ARHGAP32: variants seen among roughly 807,000 people sequenced by gnomAD.
The protein encoded by ARHGAP32 is Rho GTPase activating protein 32, also known as rho GTPase-activating protein 32.
ARHGAP32 carries 51 observed loss-of-function variants against 186.5 expected under a neutral mutation model. The observed-to-expected ratio is 0.27, with a 90% CI of 0.22 to 0.35. The LOEUF is 0.35. ARHGAP32 is among the 10% of genes least tolerant of loss of function. The pLI is 1.00. For missense variants in ARHGAP32, 2,186 were observed against 2,623.5 expected (o/e 0.83, Z 3.64); for synonymous variants, 950 against 964.3 (o/e 0.99, Z 0.27).
At chr11:129,135,948 G>A (rs1237164721) in intron 2 of ARHGAP32, among the ~76,000 whole-genome samples, 6 of 152,146 alleles carry the variant, frequency 3.9e-5, no homozygotes, top group South Asian at 2.1e-4. Flanking sequence ...CAATTATTCC[G>A]ACACCCTACC....
rs1010388676 is a variant in ARHGAP32, at chr11:129,062,153, T to C, written c.963+127A>G. 1.4e-5 allele frequency: 10 copies of C among 734,392 alleles called. No homozygotes were observed. In the Admixed American group the frequency reaches 2.3e-4, roughly 17 times the overall value. 45.5% of individuals were successfully genotyped at this position (734,392 alleles called of 1,614,324 possible). On this transcript the variant is annotated intron_variant, in intron 10 of 22. Transcript: ENST00000682385. ...AAATCTATTATCATTACTATCTGCA[T>C]TTTCTATCGTTGCAGACAAAATTTC...
chr11:129,130,623 T>C (rs568054195), intron 2 of ARHGAP32, among the ~76,000 whole-genome samples: 4 of 151,798 alleles, frequency 2.6e-5, no homozygotes, highest in Admixed American at 6.6e-5. Context: ...AGTGTCATTA[T>C]TCATCAAGAA....
chr11:129,187,640 C>CA (rs1241439900), intron 1 of ARHGAP32, among the ~76,000 whole-genome samples: 1 of 152,068 alleles, frequency 6.6e-6, no homozygotes, highest in African/African-American at 2.4e-5. Context: ...GTGCCTATAT[C>CA]AAAACATCTC....
chr11:129,242,750 T>TAGAATGATCTTTCTGGTTATTAATG (rs1945036207), intron 1 of ARHGAP32, among the ~76,000 whole-genome samples: 1 of 151,680 alleles, frequency 6.6e-6, no homozygotes, highest in South Asian at 2.1e-4. Flanking sequence ...AAAAGAAATC[T>TAGAATGATCTTTCTGGTTATTAATG]AGAATGATCT....
At chr11:129,213,928 G>T (rs1262379316) in intron 1 of ARHGAP32, among the ~76,000 whole-genome samples, 1 of 151,968 alleles carries the variant, frequency 6.6e-6, no homozygotes, top group African/African-American at 2.4e-5. Flanking sequence ...AATCCTGCAG[G>T]TAAGAATGTT....
At chr11:129,227,151 T>C (rs1436055904) in intron 1 of ARHGAP32, among the ~76,000 whole-genome samples, 1 of 152,002 alleles carries the variant, frequency 6.6e-6, no homozygotes, top group Non-Finnish European at 1.5e-5. Flanking sequence ...GGGAACAAAG[T>C]TTTTATATAC....
intron 1 of ARHGAP32, among the ~76,000 whole-genome samples, chr11:129,276,940 A>T (rs1409730518): frequency 6.6e-6 from 1 of 151,768 alleles, no homozygotes; most frequent in African/African-American, 2.4e-5. Flanking sequence ...CTGCCTCCTG[A>T]CTACTTCCAT....
intron 19 of ARHGAP32, among the ~76,000 whole-genome samples, 171 bp downstream of exon 19, chr11:128,978,599 T>C (rs1945619016): frequency 6.6e-6 from 1 of 152,220 alleles, no homozygotes; most frequent in Non-Finnish European, 1.5e-5. Flanking sequence ...ATATAATTTA[T>C]GTTACTCTTC....
At chr11:129,214,420 GT>G (rs1342399369) in intron 1 of ARHGAP32, among the ~76,000 whole-genome samples, 1 of 152,148 alleles carries the variant, frequency 6.6e-6, no homozygotes, top group Non-Finnish European at 1.5e-5. Flanking sequence ...AAATAAAAAT[GT>G]TTTTTAATTG....
intron 1 of ARHGAP32, among the ~76,000 whole-genome samples, chr11:129,237,737 G>A (rs1033049684): frequency 6.6e-6 from 1 of 152,192 alleles, no homozygotes; most frequent in African/African-American, 2.4e-5. Flanking sequence ...GGCCAAACCA[G>A]GCAGGGCTTT....
At chr11:129,198,641 T>G (rs2439799) in intron 1 of ARHGAP32, among the ~76,000 whole-genome samples, 2 of 151,986 alleles carry the variant, frequency 1.3e-5, no homozygotes, top group African/African-American at 4.8e-5. Context: ...TCCCCATGCA[T>G]GTGGAACTGT....
intron 2 of ARHGAP32, among the ~76,000 whole-genome samples, chr11:129,151,127 G>A (rs917633441): frequency 4.6e-5 from 7 of 151,864 alleles, no homozygotes; most frequent in Non-Finnish European, 8.8e-5. Context: ...GTAGAAAAAA[G>A]ACAAAGAGGG....
chr11:129,244,996 T>TG (rs1726320673), intron 1 of ARHGAP32, among the ~76,000 whole-genome samples: 1 of 151,984 alleles, frequency 6.6e-6, no homozygotes, highest in African/African-American at 2.4e-5. Context: ...TTTACACTGT[T>TG]GCTGGGACTG....
intron 5 of ARHGAP32, among the ~76,000 whole-genome samples, chr11:129,103,892 G>C (rs1941975578): frequency 6.6e-6 from 1 of 151,958 alleles, no homozygotes; most frequent in Non-Finnish European, 1.5e-5. Flanking sequence ...ACTAAAACAA[G>C]TTCTTCAGGC....
intron 2 of ARHGAP32, among the ~76,000 whole-genome samples, chr11:129,153,103 T>C (rs2135457664): frequency 6.6e-6 from 1 of 151,314 alleles, no homozygotes; most frequent in South Asian, 2.1e-4. Context: ...GCAACGAAGC[T>C]GAGAATCAAA....
In ARHGAP32 at chr11:128,974,436, T is replaced by C. The variant is rs144753636; in HGVS notation, c.2761A>G (p.Ile921Val). Residue 921 changes from isoleucine to valine, a missense_variant, in exon 21 of 23, where the codon ATA (isoleucine) becomes GTA (valine). Ile to Val is a conservative substitution (Grantham distance 29). Transcript: ENST00000682385. ...AGGGTCACTGAAATTGGCTCAGATA[T>C]GCTCATAGAAGGTGATTTGCTTAAT... ...RKLSKSPSMS[I>V]SEPISVTLPP... The C allele has an allele frequency of 3.1e-6, 5 of 1,614,096 alleles. No individual in the cohort carries two copies. The highest frequency in any genetic ancestry group is 2.7e-5 in the African/African-American group (2 of 74,934).
At chr11:129,232,707 T>TCA (rs774698472) in intron 1 of ARHGAP32, among the ~76,000 whole-genome samples, 1 of 152,166 alleles carries the variant, frequency 6.6e-6, no homozygotes, top group Non-Finnish European at 1.5e-5. Flanking sequence ...TTGGCTAAAT[T>TCA]CACTTCCTTG....
intron 1 of ARHGAP32, among the ~76,000 whole-genome samples, chr11:129,179,703 C>T (rs1944007029): frequency 6.6e-6 from 1 of 151,354 alleles, no homozygotes; most frequent in African/African-American, 2.4e-5. Flanking sequence ...AACAAAAAAC[C>T]AAACACCGCA....
chr11:129,103,709 C>T (rs2135310020), intron 5 of ARHGAP32, among the ~76,000 whole-genome samples: 1 of 151,974 alleles, frequency 6.6e-6, no homozygotes, highest in African/African-American at 2.4e-5. Flanking sequence ...TCATCAGAAA[C>T]AAGAGAGGGG....
Sources: gnomAD v4.1 joint callset for allele counts (sites outside exome capture counted in the v4.1 genomes callset) on GRCh38, gnomAD v4.1.1 for gene constraint, MANE v1.5 for transcripts, NCBI Gene and HGNC (gene_info 2026-07-23, HGNC 2026-07-21) for gene names.